The following CPEB3 variants were observed in gnomAD, a reference collection of about 807,000 sequenced individuals.
The protein encoded by CPEB3 is cytoplasmic polyadenylation element binding protein 3.
In CPEB3, 20 loss-of-function variants were observed where a neutral mutation model predicts 67.2. The ratio of observed to expected loss-of-function variants is 0.30; its 90% confidence interval spans 0.21 to 0.43. The LOEUF (loss-of-function observed/expected upper bound fraction) is 0.43, where lower values mean the gene tolerates loss of function less well. CPEB3 is among the 20% of genes least tolerant of loss of function. The pLI, the probability that CPEB3 is intolerant of heterozygous loss-of-function variation, is 1.00. For missense variants in CPEB3, 746 were observed against 968.6 expected (o/e 0.77, Z 3.05); for synonymous variants, 376 against 393.1 (o/e 0.96, Z 0.51).
intron 7 of CPEB3, among the ~76,000 whole-genome samples, chr10:92,106,178 C>T (rs1225943026): frequency 1.3e-5 from 2 of 152,112 alleles, no homozygotes; most frequent in Admixed American, 6.5e-5. Context: ...CAGGCATGAG[C>T]CACTGCACCC....
intron 1 of CPEB3, among the ~76,000 whole-genome samples, chr10:92,277,519 C>T (rs574163599): frequency 4.6e-5 from 7 of 152,326 alleles, no homozygotes; most frequent in Non-Finnish European, 5.9e-5. Context: ...ATGCCACCAC[C>T]ACACTGTCTT....
chr10:92,226,704 G>T (rs1850991653), intron 2 of CPEB3, among the ~76,000 whole-genome samples: 1 of 152,186 alleles, frequency 6.6e-6, no homozygotes, highest in African/African-American at 2.4e-5. Context: ...TGTAGCATAA[G>T]AGGAATTAGG....
At chr10:92,274,319 A>T (rs1049975082) in intron 1 of CPEB3, among the ~76,000 whole-genome samples, 2 of 152,190 alleles carry the variant, frequency 1.3e-5, no homozygotes, top group Admixed American at 6.5e-5. Flanking sequence ...CAGTTATGGC[A>T]TCTCAAAAAC....
At chr10:92,166,077 T>C (rs1847725642) in intron 4 of CPEB3, among the ~76,000 whole-genome samples, 1 of 152,094 alleles carries the variant, frequency 6.6e-6, no homozygotes. Flanking sequence ...GCACAATCTA[T>C]GGCAAGTATT....
intron 8 of CPEB3, among the ~76,000 whole-genome samples, chr10:92,090,813 C>T (rs745549485): frequency 5.3e-5 from 8 of 152,066 alleles, no homozygotes; most frequent in Non-Finnish European, 1.0e-4. Flanking sequence ...CTTTATTCTC[C>T]GACTGCAGAT....
intron 8 of CPEB3, among the ~76,000 whole-genome samples, chr10:92,085,275 T>C (rs1049475997): frequency 2.0e-5 from 3 of 152,202 alleles, no homozygotes; most frequent in Admixed American, 6.5e-5. Context: ...ACAGTGCTCA[T>C]TGGTCTGTCT....
intron 3 of CPEB3, among the ~76,000 whole-genome samples, chr10:92,183,919 T>C (rs913154916): frequency 4.6e-5 from 7 of 152,236 alleles, no homozygotes; most frequent in African/African-American, 1.7e-4. Flanking sequence ...ACAACCACTA[T>C]ATCAAATAAA....
chr10:92,204,895 A>C (rs1490499417), intron 2 of CPEB3, among the ~76,000 whole-genome samples: 3 of 148,772 alleles, frequency 2.0e-5, no homozygotes, highest in Admixed American at 1.3e-4. Context: ...GGCTGGAGTA[A>C]AGTGGTACTA....
Position 92,052,169 on chromosome 10 carries a change from C to T in CPEB3, c.*43G>A. 3 of 1,408,106 alleles carry T rather than the reference C, an allele frequency of 2.1e-6. No homozygotes were observed. The highest frequency in any genetic ancestry group is 3.0e-6 in the Non-Finnish European group (3 of 997,020). The allele number at this position is 1,408,106 out of a possible 1,614,324, so 87.2% of individuals were successfully genotyped here. A position where few individuals can be genotyped will look rare whatever the true frequency, so the allele number is the denominator to read the frequency against. ...GAGGCAGTGCCCTCTCTTTTCCCTC[C>T]TTGTTATCTACTCCAGTACTTGTGG... On this transcript the variant is annotated 3_prime_UTR_variant, in exon 10 of 10. Transcript: ENST00000265997.
intron 1 of CPEB3, among the ~76,000 whole-genome samples, chr10:92,266,433 G>C (rs903146424): frequency 2.6e-5 from 4 of 152,086 alleles, no homozygotes; most frequent in Admixed American, 2.0e-4. Flanking sequence ...GAACAAAAAA[G>C]AAAGCACAAG....
At chr10:92,110,885 T>C (rs1392411231) in intron 7 of CPEB3, among the ~76,000 whole-genome samples, 191 bp downstream of exon 7, 1 of 152,196 alleles carries the variant, frequency 6.6e-6, no homozygotes, top group East Asian at 1.9e-4. Context: ...GTCCCAAAGG[T>C]ATAAAATGAA....
chr10:92,092,435 G>A (rs894461942), intron 7 of CPEB3, among the ~76,000 whole-genome samples: 15 of 152,056 alleles, frequency 9.9e-5, no homozygotes, highest in African/African-American at 2.9e-4. Flanking sequence ...TAATACAGAC[G>A]AACATGCAGC....
intron 2 of CPEB3, among the ~76,000 whole-genome samples, chr10:92,215,151 ATTT>A (rs79149383): frequency 1.6e-5 from 2 of 123,134 alleles, no homozygotes; most frequent in African/African-American, 3.0e-5. Context: ...CCAAGCCAAG[ATTT>A]TTTTTTTTTT....
At chr10:92,241,729 C>T (rs1851860328) in intron 1 of CPEB3, among the ~76,000 whole-genome samples, 1 of 152,140 alleles carries the variant, frequency 6.6e-6, no homozygotes, top group African/African-American at 2.4e-5. Context: ...GACTGCCATA[C>T]ATGTAGTTAG....
intron 1 of CPEB3, among the ~76,000 whole-genome samples, chr10:92,287,914 TA>T (rs1271835603): frequency 2.6e-5 from 4 of 152,176 alleles, no homozygotes; most frequent in African/African-American, 9.7e-5. Context: ...ATGCAATCAC[TA>T]GTCTACTTTC....
intron 4 of CPEB3, among the ~76,000 whole-genome samples, chr10:92,154,000 A>G (rs112119062): frequency 1.3e-5 from 2 of 152,274 alleles, no homozygotes; most frequent in African/African-American, 4.8e-5. Flanking sequence ...TTACTGCTCT[A>G]TAACTAAGAA....
intron 1 of CPEB3, among the ~76,000 whole-genome samples, chr10:92,256,983 GA>G (rs1362806226): frequency 6.6e-6 from 1 of 152,138 alleles, no homozygotes; most frequent in African/African-American, 2.4e-5. Flanking sequence ...TCAAATCAAA[GA>G]ACAGATACCT....
At chr10:92,236,365 C>G (rs1851531800) in intron 2 of CPEB3, among the ~76,000 whole-genome samples, 1 of 152,060 alleles carries the variant, frequency 6.6e-6, no homozygotes, top group South Asian at 2.1e-4. Flanking sequence ...AAAAGTAATC[C>G]CTAAGAAAGC....
intron 4 of CPEB3, among the ~76,000 whole-genome samples, chr10:92,175,156 A>C (rs895234469): frequency 2.0e-5 from 3 of 151,842 alleles, no homozygotes; most frequent in African/African-American, 7.3e-5. Context: ...ATGTTACTAC[A>C]AAAATTCCTT....
Sources: gnomAD v4.1 joint callset for allele counts (sites outside exome capture counted in the v4.1 genomes callset) on GRCh38, gnomAD v4.1.1 for gene constraint, MANE v1.5 for transcripts, NCBI Gene and HGNC (gene_info 2026-07-23, HGNC 2026-07-21) for gene names.